Variants in LRP1B observed in about 807,000 individuals in gnomAD.
LRP1B encodes the protein low-density lipoprotein receptor-related protein 1B.
In LRP1B, 217 loss-of-function variants were observed where a neutral mutation model predicts 556.6. That is an observed-to-expected ratio of 0.39 (90% CI 0.35 to 0.44). LRP1B has a LOEUF of 0.44. Among genes scored for constraint, LRP1B ranks in the 20% least tolerant of loss-of-function variants. LRP1B has a pLI of 1.00. For synonymous variants in LRP1B, 2,047 were observed against 1,865.8 expected (o/e 1.10, Z -2.50); for missense variants, 5,053 against 5,620.8 (o/e 0.90, Z 3.23).
Position 142,130,640 on chromosome 2 carries a change from C to T in LRP1B, c.82+8G>A, listed in dbSNP as rs777703826. The T allele has an allele frequency of 3.7e-6, 6 of 1,605,752 alleles. No individual in the cohort carries two copies. Among genetic ancestry groups the T allele is most frequent in the Non-Finnish European group, 5.1e-6 (6 of 1,174,794 alleles). ...CAGGGGAGGGGAGCGGGGAGGTGTT[C>T]TCCTTACCTCGGTCGGCTCCCACGG... On this transcript the variant is annotated splice_region_variant and intron_variant, in intron 1 of 90. Transcript: ENST00000389484.
intron 11 of LRP1B, among the ~76,000 whole-genome samples, chr2:141,021,575 TTA>T (rs1282396938): frequency 1.3e-5 from 2 of 152,044 alleles, no homozygotes; most frequent in Non-Finnish European, 2.9e-5. Flanking sequence ...CCTTTTCTAT[TTA>T]TTATAGTCTA....
At chr2:140,410,140 A>G (rs1684910826) in intron 66 of LRP1B, among the ~76,000 whole-genome samples, 1 of 152,022 alleles carries the variant, frequency 6.6e-6, no homozygotes, top group African/African-American at 2.4e-5. Context: ...CCTGAGCTAT[A>G]TATTTTTTCA....
At chr2:142,020,429 T>C (rs748843558) in intron 1 of LRP1B, among the ~76,000 whole-genome samples, 18 of 152,168 alleles carry the variant, frequency 1.2e-4, no homozygotes, top group Admixed American at 6.5e-5. Flanking sequence ...TTCTCATGCA[T>C]TCCTTGTTTT....
chr2:141,378,144 AT>A (rs1427407671), intron 3 of LRP1B, among the ~76,000 whole-genome samples: 2 of 152,222 alleles, frequency 1.3e-5, no homozygotes, highest in East Asian at 3.9e-4. Flanking sequence ...AAGAAAGGAA[AT>A]AATCTGATTT....
chr2:140,520,981 A>G (rs975958992), intron 49 of LRP1B, among the ~76,000 whole-genome samples: 1 of 151,756 alleles, frequency 6.6e-6, no homozygotes, highest in African/African-American at 2.4e-5. Context: ...CTGGTCCTTC[A>G]TATTAATTTT....
intron 2 of LRP1B, among the ~76,000 whole-genome samples, chr2:141,629,357 G>C (rs1490033741): frequency 6.6e-6 from 1 of 152,042 alleles, no homozygotes; most frequent in Non-Finnish European, 1.5e-5. Flanking sequence ...TTTTAATAAA[G>C]AGCTAAACCC....
intron 7 of LRP1B, among the ~76,000 whole-genome samples, chr2:141,178,666 T>C (rs148788299): frequency 1.6e-3 from 238 of 152,226 alleles, no homozygotes; most frequent in Non-Finnish European, 2.8e-3. Flanking sequence ...TCCACTTCCA[T>C]AGTATGATGC....
intron 2 of LRP1B, among the ~76,000 whole-genome samples, chr2:141,748,455 A>G (rs1341796947): frequency 3.3e-5 from 5 of 152,182 alleles, no homozygotes; most frequent in Non-Finnish European, 5.9e-5. Flanking sequence ...ATGGAAGATA[A>G]TAAGTGTAGC....
In LRP1B at chr2:140,373,227, C is replaced by A. The variant is rs921456376; in HGVS notation, c.10639-90G>T. 4.7e-6 allele frequency: 5 copies of A among 1,060,694 alleles called. No individual in the cohort carries two copies. The African/African-American group carries it at 6.5e-5, about 14-fold the overall frequency. The allele number at this position is 1,060,694 out of a possible 1,614,324, so 65.7% of individuals were successfully genotyped here. A position where few individuals can be genotyped will look rare whatever the true frequency, so the allele number is the denominator to read the frequency against. ...GACAAGAAAACTTATGTACAGAAAA[C>A]CTGGAACTGATCCTGGAACAACTTG... On this transcript the variant is annotated intron_variant, in intron 68 of 90. Transcript: ENST00000389484.
chr2:140,763,595 T>C (rs1165220627), intron 35 of LRP1B, among the ~76,000 whole-genome samples: 1 of 152,058 alleles, frequency 6.6e-6, no homozygotes, highest in Non-Finnish European at 1.5e-5. Flanking sequence ...TAGGTGATCA[T>C]TGTGCATCTT....
At chr2:141,744,732 G>A (rs942551416) in intron 2 of LRP1B, among the ~76,000 whole-genome samples, 1 of 152,114 alleles carries the variant, frequency 6.6e-6, no homozygotes, top group Non-Finnish European at 1.5e-5. Context: ...ATGTTTTCCT[G>A]GATGGTCTTG....
chr2:141,150,066 A>G (rs1228356787), intron 7 of LRP1B, among the ~76,000 whole-genome samples: 1 of 152,092 alleles, frequency 6.6e-6, no homozygotes, highest in Non-Finnish European at 1.5e-5. Flanking sequence ...TGAGGGTGGG[A>G]GGGAGGAGCA....
intron 1 of LRP1B, among the ~76,000 whole-genome samples, chr2:141,932,362 A>G (rs1394996624): frequency 6.6e-6 from 1 of 152,084 alleles, no homozygotes; most frequent in African/African-American, 2.4e-5. Flanking sequence ...TTACTTTGCA[A>G]TTGTAAAGCA....
intron 1 of LRP1B, among the ~76,000 whole-genome samples, chr2:142,081,212 T>C (rs984149790): frequency 4.0e-5 from 6 of 151,708 alleles, no homozygotes; most frequent in African/African-American, 1.5e-4. Context: ...GAAATGAGTA[T>C]ATAAGAAGAA....
At chr2:141,776,396 G>A (rs7598314) in intron 2 of LRP1B, among the ~76,000 whole-genome samples, 79,157 of 152,100 alleles carry the variant, frequency 0.52, 21,842 homozygotes, top group Non-Finnish European at 0.6. Flanking sequence ...TAAGTGCTGC[G>A]ACACTCAGAG....
At chr2:140,480,219 A>G (rs79535422) in intron 59 of LRP1B, among the ~76,000 whole-genome samples, 24,206 of 152,182 alleles carry the variant, frequency 0.16, 2,349 homozygotes, top group Non-Finnish European at 0.22. Context: ...AGAGGAAGTA[A>G]TATTTCTGCT....
At chr2:141,283,920 A>G (rs919139013) in intron 3 of LRP1B, among the ~76,000 whole-genome samples, 1 of 152,138 alleles carries the variant, frequency 6.6e-6, no homozygotes, top group African/African-American at 2.4e-5. Flanking sequence ...TAGATAATAA[A>G]AAATTATCTG....
At chr2:141,815,381 C>T (rs1866027) in intron 1 of LRP1B, among the ~76,000 whole-genome samples, 1 of 151,890 alleles carries the variant, frequency 6.6e-6, no homozygotes, top group Admixed American at 6.6e-5. Context: ...ACTTTTCTGT[C>T]GTACAAGAGG....
At chr2:140,592,356 A>G (rs13032072) in intron 43 of LRP1B, among the ~76,000 whole-genome samples, 30,974 of 152,044 alleles carry the variant, frequency 0.2, 3,379 homozygotes, top group Middle Eastern at 0.3. Context: ...GTGAAATAAT[A>G]CTGGTTTATT....
Sources: gnomAD v4.1 joint callset for allele counts (sites outside exome capture counted in the v4.1 genomes callset) on GRCh38, gnomAD v4.1.1 for gene constraint, MANE v1.5 for transcripts, NCBI Gene and HGNC (gene_info 2026-07-23, HGNC 2026-07-21) for gene names.